Variants in UFL1 observed in about 807,000 individuals in gnomAD.
UFL1 encodes E3 UFM1-protein ligase 1.
A neutral mutation model predicts 99.3 loss-of-function variants in UFL1; 78 were observed. That is an observed-to-expected ratio of 0.79 (90% confidence interval 0.65 to 0.95). The LOEUF (loss-of-function observed/expected upper bound fraction) is 0.95. UFL1 is among the 40% of genes least tolerant of loss of function. UFL1 has a pLI of 0.00. For missense variants in UFL1, 936 were observed against 937.0 expected (o/e 1.00, Z 0.01); for synonymous variants, 335 against 322.2 (o/e 1.04, Z -0.42).
At chr6:96,524,551 C>T in intron 3 of UFL1, 141 bp downstream of exon 3, 1 of 543,052 alleles carries the variant, frequency 1.8e-6, no homozygotes, top group East Asian at 3.5e-5. Flanking sequence ...CGCTGATACA[C>T]TGAATTGATT....
At chr6:96,525,918 A>G (rs921771855) in intron 4 of UFL1, among the ~76,000 whole-genome samples, 3 of 151,612 alleles carry the variant, frequency 2.0e-5, no homozygotes, top group Admixed American at 2.0e-4. Context: ...TTCACTAATT[A>G]AGTTTGCTAA....
intron 2 of UFL1, 89 bp downstream of exon 2, chr6:96,523,380 CT>C: frequency 7.8e-7 from 1 of 1,283,944 alleles, no homozygotes; most frequent in Non-Finnish European, 1.0e-6. Flanking sequence ...TAATTGCATA[CT>C]AAATTATAGA....
rs569203967 is a variant in UFL1, at chr6:96,553,931, CT to C, written c.*438del. The stretch of plus-strand genomic sequence containing the variant: ...TTTAAGCAGAAATTTAAAATGTGGT[CT>C]TTTTTTTTTAAAAGAAACACTTCTG... On this transcript the variant is annotated 3_prime_UTR_variant, in exon 19 of 19. Coordinates refer to ENST00000369278, the MANE Select transcript of UFL1 (RefSeq NM_015323.5). 4.3e-4 allele frequency: 63 copies of C among 147,874 alleles called. No individual in the cohort carries two copies. The highest frequency in any genetic ancestry group is 2.5e-3 in the Admixed American group (37 of 14,760). The allele number at this position is 147,874 out of a possible 1,614,324, so 9.2% of individuals were successfully genotyped here.
chr6:96,533,873 A>G (rs1328401539), intron 6 of UFL1, among the ~76,000 whole-genome samples: 1 of 151,520 alleles, frequency 6.6e-6, no homozygotes, highest in Non-Finnish European at 1.5e-5. Context: ...CATTCCAAAC[A>G]TTTTCAGTGC....
At chr6:96,528,376 T>C (rs998922538) in intron 5 of UFL1, 126 bp from the exon 6 acceptor site, 2 of 1,127,116 alleles carry the variant, frequency 1.8e-6, no homozygotes, top group Non-Finnish European at 1.2e-6. Context: ...TAATCTATGC[T>C]TGTTGAAACT....
In UFL1 at chr6:96,538,655, GT is replaced by G; in HGVS notation, c.1005del (p.Glu336LysfsTer10). 1 of 1,610,868 alleles carries G rather than the reference GT, an allele frequency of 6.2e-7. No homozygotes were observed. Among genetic ancestry groups the G allele is most frequent in the Non-Finnish European group, 8.5e-7 (1 of 1,177,924 alleles). The stretch of plus-strand genomic sequence containing the variant: ...GCCTCTGCTACCCACTTCTTTATCA[GT>G]TGAAGATGCTGCCATATTGCTTCAG... The part of the protein sequence containing the change: ...IAPLLPTSLS[V>X]EDAAILLQQV... On this transcript the variant is annotated frameshift_variant, in exon 10 of 19. Transcript: ENST00000369278. LOFTEE classifies it high-confidence loss of function.
intron 15 of UFL1, 152 bp downstream of exon 15, chr6:96,549,951 C>T: frequency 1.0e-6 from 1 of 971,048 alleles, no homozygotes. Flanking sequence ...AACTTTAGTA[C>T]TATATATACA....
chr6:96,536,304 A>C lies in UFL1; in HGVS notation c.716A>C (p.Gln239Pro), dbSNP rs751505163. ...RLRGTVVGGR[Q>P]DKAVFVPDIY... ...CGAGGCACTGTGGTTGGTGGGAGAC[A>C]GGATAAAGCTGTGTTTGTCCCTGAC... Residue 239 changes from glutamine (Q) to proline (P), a missense_variant, in exon 8 of 19, where the codon CAG becomes CCG. Physicochemically the swap from Gln to Pro is moderately conservative, Grantham distance 76. Coordinates refer to ENST00000369278, the MANE Select transcript of UFL1 (RefSeq NM_015323.5). 1.9e-6 allele frequency: 3 copies of C among 1,611,168 alleles called. No homozygotes were observed. In the African/African-American group the frequency reaches 4.0e-5, roughly 22 times the overall value.
intron 4 of UFL1, 28 bp from the exon 5 acceptor site, chr6:96,526,293 T>C: frequency 6.5e-7 from 1 of 1,540,056 alleles, no homozygotes; most frequent in Non-Finnish European, 8.8e-7. Flanking sequence ...AATTCTTTTT[T>C]CTATTATTTT....
rs780893735 is a variant in UFL1 at position 96,543,029 on chromosome 6, T to G, written c.1402+13T>G. ...TCATCCCACACTGGTAGGTAGCTTTTCTTTACTTTTCCTTGGTGTATGTGT... is the reference window on the plus strand; with the variant it reads ...TCATCCCACACTGGTAGGTAGCTTTGCTTTACTTTTCCTTGGTGTATGTGT... On this transcript the variant is annotated intron_variant, in intron 12 of 18. Coordinates refer to ENST00000369278, the MANE Select transcript of UFL1 (RefSeq NM_015323.5). The G allele has an allele frequency of 3.2e-6, 5 of 1,583,482 alleles. No individual in the cohort carries two copies. The South Asian group carries it at 5.8e-5, about 18-fold the overall frequency.
chr6:96,534,504 T>G (rs1362271162), intron 7 of UFL1, among the ~76,000 whole-genome samples, 183 bp downstream of exon 7: 1 of 151,736 alleles, frequency 6.6e-6, no homozygotes, highest in East Asian at 1.9e-4. Context: ...CACCAAACGT[T>G]TAATATTGGT....
chr6:96,537,641 T>C (rs1210910231), intron 9 of UFL1, 92 bp downstream of exon 9: 1 of 1,318,880 alleles, frequency 7.6e-7, no homozygotes, highest in Non-Finnish European at 1.0e-6. Flanking sequence ...TACATAAAGG[T>C]GGTCTTGGCT....
rs746589180 is a variant in UFL1 at position 96,552,465 on chromosome 6, CTT to C, written c.1986-4_1986-3del. On this transcript the variant is annotated splice_polypyrimidine_tract_variant and intron_variant, in intron 17 of 18. Transcript: ENST00000369278. ...TAAATTATGATAATGAATTTGTGTG[CTT>C]TTTTTTTTTTTTAGACAGATACTGT... The C allele has an allele frequency of 3.2e-3, 4,176 of 1,288,268 alleles. No individual in the cohort carries two copies. Among genetic ancestry groups the C allele is most frequent in the South Asian group, 0.011 (730 of 64,896 alleles). The allele number at this position is 1,288,268 out of a possible 1,614,324, so 79.8% of individuals were successfully genotyped here.
chr6:96,523,899 C>G (rs1769662938), intron 2 of UFL1, among the ~76,000 whole-genome samples: 1 of 152,080 alleles, frequency 6.6e-6, no homozygotes, highest in South Asian at 2.1e-4. Flanking sequence ...TAACATTGGT[C>G]TTTGTCTTTT....
At chr6:96,551,360 T>A (rs1451337682) in intron 15 of UFL1, 73 bp from the exon 16 acceptor site, 2 of 804,878 alleles carry the variant, frequency 2.5e-6, no homozygotes, top group Non-Finnish European at 4.0e-6. Context: ...GTTACAGTAT[T>A]TTTTTCACTT....
At chr6:96,533,055 T>C (rs1211511776) in intron 6 of UFL1, among the ~76,000 whole-genome samples, 2 of 152,094 alleles carry the variant, frequency 1.3e-5, no homozygotes, top group Non-Finnish European at 2.9e-5. Flanking sequence ...CAATGGAGGA[T>C]TGAAATGTTA....
chr6:96,522,551 C>G (rs778909863), intron 1 of UFL1, among the ~76,000 whole-genome samples: 3 of 152,150 alleles, frequency 2.0e-5, no homozygotes, highest in African/African-American at 4.8e-5. Context: ...AGAAGCCTTT[C>G]TATTCTTTGA....
At chr6:96,524,472 G>T in intron 3 of UFL1, 62 bp downstream of exon 3, 1 of 1,317,130 alleles carries the variant, frequency 7.6e-7, no homozygotes, top group Admixed American at 2.2e-5. Context: ...CTGTGAATTT[G>T]TTCAAGTATT....
rs1770117938 is a variant in UFL1, at chr6:96,553,892, A to ATACTT, written c.*392_*396dup. 1 of 156,348 alleles carries ATACTT rather than the reference A, an allele frequency of 6.4e-6. No individual in the cohort carries two copies. The highest frequency in any genetic ancestry group is 2.4e-5 in the African/African-American group (1 of 41,618). 9.7% of individuals were successfully genotyped at this position (156,348 alleles called of 1,614,324 possible). On this transcript the variant is annotated 3_prime_UTR_variant, in exon 19 of 19. Transcript: ENST00000369278. The stretch of plus-strand genomic sequence containing the variant: ...TGCGAGTGCCAGTATACTTAAATGT[A>ATACTT]TACTTTATATACATTTAAGCAGAAA...
Sources: gnomAD v4.1 joint callset for allele counts (sites outside exome capture counted in the v4.1 genomes callset) on GRCh38, gnomAD v4.1.1 for gene constraint, MANE v1.5 for transcripts, NCBI Gene and HGNC (gene_info 2026-07-23, HGNC 2026-07-21) for gene names.